The following BPIFB4 variants were observed in gnomAD, a reference collection of about 807,000 sequenced individuals.
The protein encoded by BPIFB4 is BPI fold containing family B member 4, also known as BPI fold-containing family B member 4.
Under a neutral mutation model 69.2 loss-of-function variants are expected in BPIFB4, and 62 were observed. The observed-to-expected ratio is 0.90, with a 90% CI of 0.73 to 1.11. The LOEUF (loss-of-function observed/expected upper bound fraction) is 1.11, where lower values mean the gene tolerates loss of function less well. Among genes scored for constraint, BPIFB4 ranks in the 50% least tolerant of loss-of-function variants. BPIFB4 has a pLI of 0.00. For missense variants in BPIFB4, 789 were observed against 792.0 expected (o/e 1.00, Z 0.04); for synonymous variants, 330 against 332.7 (o/e 0.99, Z 0.09).
At position 33,081,399 on chromosome 20, in the gene BPIFB4, C is replaced by T. The variant is rs1216656744; in HGVS notation, c.-15-113C>T. On this transcript the variant is annotated intron_variant, in intron 2 of 17. Coordinates refer to ENST00000375483, the MANE Select transcript of BPIFB4 (RefSeq NM_182519.3). The stretch of plus-strand genomic sequence containing the variant: ...TATGTGACCTTGGCTGGTTTCCCCT[C>T]TCTCTGGGTCCCAGGGTCCTGAGAT... The T allele has an allele frequency of 4.1e-6, 6 of 1,454,220 alleles. No homozygotes were observed. In the East Asian group the frequency reaches 1.3e-4, roughly 30 times the overall value. The allele number at this position is 1,454,220 out of a possible 1,614,324, so 90.1% of individuals were successfully genotyped here. A position where few individuals can be genotyped will look rare whatever the true frequency, so the allele number is the denominator to read the frequency against.
chr20:33,106,385 T>C (rs1982057446), intron 16 of BPIFB4, among the ~76,000 whole-genome samples: 3 of 149,876 alleles, frequency 2.0e-5, no homozygotes, highest in African/African-American at 7.3e-5. Context: ...TCTTTTTTTT[T>C]TTTTTGAGAT....
chr20:33,094,358 T>C (rs759341998), intron 11 of BPIFB4, among the ~76,000 whole-genome samples: 5 of 152,214 alleles, frequency 3.3e-5, no homozygotes, highest in Non-Finnish European at 7.3e-5. Context: ...AGCAAGCCAA[T>C]TTAAAAATGC....
intron 7 of BPIFB4, among the ~76,000 whole-genome samples, chr20:33,086,502 T>C (rs1298448984): frequency 6.6e-6 from 1 of 152,234 alleles, no homozygotes; most frequent in Admixed American, 6.5e-5. Context: ...CTCAGTTCCA[T>C]GGTTCATTGC....
chr20:33,089,692 G>C, intron 9 of BPIFB4, 134 bp downstream of exon 9: 2 of 1,480,494 alleles, frequency 1.4e-6, no homozygotes, highest in South Asian at 2.7e-5. Context: ...AATGCCACAA[G>C]GGAGGTGCCA....
rs1046781911 is a variant in BPIFB4 at position 33,111,295 on chromosome 20, G to A, written c.1822-119G>A. On this transcript the variant is annotated intron_variant, in intron 17 of 17. Transcript: ENST00000375483. ...GGGCCTGCATGACCCCTTTATCTCCGCTGTTCAGAGTTACTGCTTCCTAGA... is the reference window on the plus strand; with the variant it reads ...GGGCCTGCATGACCCCTTTATCTCCACTGTTCAGAGTTACTGCTTCCTAGA... 34 of 1,339,210 alleles carry A rather than the reference G, an allele frequency of 2.5e-5. No homozygotes were observed. The Admixed American group carries it at 3.3e-4, about 13-fold the overall frequency. 83.0% of individuals were successfully genotyped at this position (1,339,210 alleles called of 1,614,324 possible).
At chr20:33,111,372 G>T (rs1208867828) in intron 17 of BPIFB4, 42 bp from the exon 18 acceptor site, 5 of 1,613,750 alleles carry the variant, frequency 3.1e-6, no homozygotes, top group Non-Finnish European at 4.2e-6. Flanking sequence ...TCTAGCCAGA[G>T]CCACCCCACC....
chr20:33,085,910 G>A (rs913839448), intron 6 of BPIFB4, 111 bp from the exon 7 acceptor site: 2 of 1,344,672 alleles, frequency 1.5e-6, no homozygotes, highest in African/African-American at 2.9e-5. Flanking sequence ...CCTTAGAGAT[G>A]AGCAAGGAGC....
chr20:33,084,676 C>T (rs1191075576), intron 5 of BPIFB4, among the ~76,000 whole-genome samples: 1 of 152,238 alleles, frequency 6.6e-6, no homozygotes, highest in African/African-American at 2.4e-5. Context: ...ACGGAATGCA[C>T]ACAGTGGGCC....
At chr20:33,103,288 C>T (rs1337003767) in intron 15 of BPIFB4, among the ~76,000 whole-genome samples, 1 of 152,320 alleles carries the variant, frequency 6.6e-6, no homozygotes, top group South Asian at 2.1e-4. Context: ...TGGGGGGCCA[C>T]TTGGCCCAAA....
intron 8 of BPIFB4, 134 bp from the exon 9 acceptor site, chr20:33,089,364 G>A (rs1981528846): frequency 1.4e-6 from 2 of 1,399,530 alleles, no homozygotes; most frequent in Non-Finnish European, 9.9e-7. Flanking sequence ...TCCCCACAGG[G>A]CTGTGGTGAG....
intron 9 of BPIFB4, among the ~76,000 whole-genome samples, chr20:33,090,106 G>A (rs1600556456): frequency 2.0e-5 from 3 of 152,324 alleles, no homozygotes; most frequent in Admixed American, 2.0e-4. Context: ...ACCATTCCAG[G>A]GACCTCCTTT....
intron 12 of BPIFB4, 92 bp downstream of exon 12, chr20:33,095,245 GTGGGGTGCTCTCCCCCGAACCCCTGCT>G: frequency 7.3e-7 from 1 of 1,372,922 alleles, no homozygotes; most frequent in South Asian, 1.2e-5. Context: ...CAGCGCTGGG[GTGGGGTGCTCTCCCCCGAACCCCTGCT>G]TGGGAGTGCA....
chr20:33,090,577 C>A, intron 9 of BPIFB4, 131 bp from the exon 10 acceptor site: 3 of 1,450,328 alleles, frequency 2.1e-6, no homozygotes, highest in Non-Finnish European at 2.7e-6. Flanking sequence ...AAACCCAGAA[C>A]TTTTGCTCTT....
intron 4 of BPIFB4, 65 bp from the exon 5 acceptor site, chr20:33,083,302 T>C: frequency 6.6e-7 from 1 of 1,514,130 alleles, no homozygotes; most frequent in Admixed American, 1.7e-5. Context: ...GTGGCAGTGG[T>C]GGTGGTCTTT....
chr20:33,083,010 G>A lies in BPIFB4; in HGVS notation c.169+10G>A, dbSNP rs111680890. Reference sequence around the variant, plus strand: ...AGAGAGGTGCCCTTGGGTAAAGCCCGTGGTGATGGTGGTGGGCCTCTCCTG... The same window carrying A: ...AGAGAGGTGCCCTTGGGTAAAGCCCATGGTGATGGTGGTGGGCCTCTCCTG... On this transcript the variant is annotated intron_variant, in intron 4 of 17. Coordinates refer to ENST00000375483, the MANE Select transcript of BPIFB4 (RefSeq NM_182519.3). The A allele has an allele frequency of 1.4e-3, 2,309 of 1,607,338 alleles. 21 individuals carry two copies. In the African/African-American group the frequency reaches 0.026, roughly 18 times the overall value.
chr20:33,106,376 C>CTTTTTTTTTTTT (rs71190890), intron 16 of BPIFB4, among the ~76,000 whole-genome samples: 1 of 133,064 alleles, frequency 7.5e-6, no homozygotes. Context: ...TCTTTTCTTT[C>CTTTTTTTTTTTT]TTTTTTTTTT....
chr20:33,089,988 T>C (rs1981552407), intron 9 of BPIFB4, among the ~76,000 whole-genome samples: 1 of 152,264 alleles, frequency 6.6e-6, no homozygotes, highest in Admixed American at 6.5e-5. Flanking sequence ...CTGTGGAGAC[T>C]GACCACGGCC....
intron 6 of BPIFB4, 102 bp downstream of exon 6, chr20:33,085,098 C>T: frequency 6.7e-7 from 1 of 1,499,230 alleles, no homozygotes; most frequent in Non-Finnish European, 8.9e-7. Flanking sequence ...CCAGTGCATG[C>T]CCACAGACTT....
At chr20:33,083,977 C>T in intron 5 of BPIFB4, 103 bp downstream of exon 5, 1 of 1,345,904 alleles carries the variant, frequency 7.4e-7, no homozygotes, top group South Asian at 1.4e-5. Context: ...CTTCAGAGCC[C>T]CACACACTTC....
Sources: allele counts gnomAD v4.1 joint callset (sites outside exome capture counted in the v4.1 genomes callset), GRCh38; gene constraint gnomAD v4.1.1; transcripts MANE v1.5; gene names NCBI Gene and HGNC (gene_info 2026-07-23, HGNC 2026-07-21).